The following YME1L1 variants were observed in gnomAD, a reference collection of about 807,000 sequenced individuals.
The protein encoded by YME1L1 is YME1 like 1 ATPase, also known as ATP-dependent zinc metalloprotease YME1L1.
A neutral mutation model predicts 90.4 loss-of-function variants in YME1L1; 39 were observed. That is an observed-to-expected ratio of 0.43 (90% CI 0.33 to 0.56). The LOEUF is 0.56. Ranked by LOEUF, YME1L1 falls within the 20% of genes least tolerant of loss-of-function variation. The pLI, the probability that YME1L1 is intolerant of heterozygous loss-of-function variation, is 0.03. For synonymous variants in YME1L1, 284 were observed against 287.3 expected (o/e 0.99, Z 0.12); for missense variants, 617 against 868.4 (o/e 0.71, Z 3.64).
At chr10:27,134,609 A>G (rs2057007876) in intron 6 of YME1L1, among the ~76,000 whole-genome samples, 2 of 152,188 alleles carry the variant, frequency 1.3e-5, no homozygotes, top group South Asian at 2.1e-4. Context: ...AAGAAACAAA[A>G]ACCTTTATGA....
At chr10:27,148,199 A>G (rs925418894) in intron 2 of YME1L1, among the ~76,000 whole-genome samples, 6 of 150,546 alleles carry the variant, frequency 4.0e-5, no homozygotes, top group African/African-American at 7.4e-5. Context: ...TTACATTTTT[A>G]TATTTATTTA....
intron 14 of YME1L1, 119 bp downstream of exon 14, chr10:27,119,175 G>A (rs756584474): frequency 1.1e-4 from 116 of 1,035,640 alleles, no homozygotes; most frequent in Non-Finnish European, 1.5e-4. Context: ...TGAAGTTTTA[G>A]AGTAAGATTA....
Position 27,111,846 on chromosome 10 carries a change from T to C in YME1L1, c.*131A>G, listed in dbSNP as rs759055844. The stretch of plus-strand genomic sequence containing the variant: ...CAAACTGGATAAATGTGACAAATGA[T>C]TGACAAAGCATTTCACACCCTTCAA... On this transcript the variant is annotated 3_prime_UTR_variant, in exon 19 of 19. Transcript: ENST00000376016. 9 of 1,214,472 alleles carry C rather than the reference T, an allele frequency of 7.4e-6. No individual in the cohort carries two copies. The highest frequency in any genetic ancestry group is 3.0e-5 in the African/African-American group (2 of 67,088). The allele number at this position is 1,214,472 out of a possible 1,614,324, so 75.2% of individuals were successfully genotyped here.
intron 4 of YME1L1, among the ~76,000 whole-genome samples, chr10:27,136,781 G>GTGCAAGGCATTGC (rs2057032669): frequency 6.6e-6 from 1 of 151,438 alleles, no homozygotes; most frequent in South Asian, 2.1e-4. Flanking sequence ...CCAGGCTGGA[G>GTGCAAGGCATTGC]TGCAAGGCAT....
At chr10:27,117,535 T>C (rs763158663) in intron 15 of YME1L1, 41 bp downstream of exon 15, 1 of 1,603,250 alleles carries the variant, frequency 6.2e-7, no homozygotes, top group Admixed American at 1.7e-5. Flanking sequence ...GCCATTGCAC[T>C]CCAGCCTGGG....
chr10:27,120,397 A>G, intron 13 of YME1L1, 38 bp downstream of exon 13: 1 of 1,478,058 alleles, frequency 6.8e-7, no homozygotes, highest in South Asian at 1.1e-5. Context: ...GTATATTACC[A>G]CTTTACAGAA....
chr10:27,120,653 G>T, intron 12 of YME1L1, 106 bp from the exon 13 acceptor site: 1 of 762,726 alleles, frequency 1.3e-6, no homozygotes, highest in Non-Finnish European at 2.1e-6. Flanking sequence ...GGCAGCCAGA[G>T]CGCAGATGGA....
intron 17 of YME1L1, 52 bp from the exon 18 acceptor site, chr10:27,114,659 A>C (rs758883878): frequency 1.4e-6 from 2 of 1,388,584 alleles, no homozygotes; most frequent in African/African-American, 1.4e-5. Flanking sequence ...AAACACCAAC[A>C]AATTTGAAAG....
At chr10:27,154,134 G>T (rs757798104) in intron 1 of YME1L1, 44 bp downstream of exon 1, 11 of 1,564,442 alleles carry the variant, frequency 7.0e-6, no homozygotes, top group Non-Finnish European at 9.5e-6. Context: ...AAACAGCCAC[G>T]GGCAGGGCGG....
chr10:27,123,785 T>C, intron 9 of YME1L1, 86 bp from the exon 10 acceptor site: 1 of 1,373,222 alleles, frequency 7.3e-7, no homozygotes. Context: ...ATTATTCATT[T>C]ATATAATTTT....
intron 2 of YME1L1, chr10:27,147,791 G>T (rs1000689389): frequency 7.3e-7 from 1 of 1,375,688 alleles, no homozygotes; most frequent in Non-Finnish European, 9.9e-7. Context: ...CCAAACCCTG[G>T]CTCCTGGCGT....
intron 9 of YME1L1, among the ~76,000 whole-genome samples, chr10:27,124,342 A>G (rs946159843): frequency 2.0e-5 from 3 of 152,194 alleles, no homozygotes; most frequent in African/African-American, 7.2e-5. Context: ...GTCTAAGTGG[A>G]TAGGATATGG....
At chr10:27,142,668 A>T (rs2057101316) in intron 3 of YME1L1, among the ~76,000 whole-genome samples, 183 bp from the exon 4 acceptor site, 1 of 152,160 alleles carries the variant, frequency 6.6e-6, no homozygotes, top group African/African-American at 2.4e-5. Context: ...ACTACATCTC[A>T]CAGTTCTTCC....
At chr10:27,119,177 G>A (rs1174831071) in intron 14 of YME1L1, 117 bp downstream of exon 14, 1 of 1,050,644 alleles carries the variant, frequency 9.5e-7, no homozygotes, top group East Asian at 2.8e-5. Flanking sequence ...AAGTTTTAGA[G>A]TAAGATTAGA....
intron 1 of YME1L1, chr10:27,153,136 G>A (rs2057247006): frequency 4.3e-6 from 2 of 465,478 alleles, no homozygotes; most frequent in African/African-American, 4.0e-5. Flanking sequence ...CTGTATGCCT[G>A]TGATACCTGT....
chr10:27,119,447 C>T lies in YME1L1; in HGVS notation c.1414G>A (p.Val472Ile), dbSNP rs145456417. 9.6e-5 allele frequency: 154 copies of T among 1,602,786 alleles called. 2 individuals carry two copies. In the African/African-American group the frequency reaches 1.2e-3, roughly 12 times the overall value. ...CCTCGAGCTATAATTTCTGGATCAA[C>T]GGCTAATGTAAAAAGAGAACACAAC... is the stretch of plus-strand genomic sequence containing the variant. ...YLNKIKFDQS[V>I]DPEIIARGTV... is the part of the protein sequence containing the mutation. The change falls in exon 14 of 19, where the codon GTT becomes ATT. Residue 472 changes from valine to isoleucine, a missense_variant and splice_region_variant. Around this residue, in one of 4 missense-constraint regions of YME1L1, gnomAD observed 212 missense variants for 330.0 expected, o/e 0.64. Transcript: ENST00000376016.
At chr10:27,118,417 G>A (rs986437524) in intron 14 of YME1L1, among the ~76,000 whole-genome samples, 9 of 152,098 alleles carry the variant, frequency 5.9e-5, no homozygotes, top group Non-Finnish European at 1.3e-4. Flanking sequence ...AAGTAGATGG[G>A]ACCACAGTCG....
At chr10:27,120,307 T>C (rs941669680) in intron 13 of YME1L1, 128 bp downstream of exon 13, 20 of 645,048 alleles carry the variant, frequency 3.1e-5, no homozygotes, top group Non-Finnish European at 4.7e-5. Context: ...AACATACTAA[T>C]GGAAAAAAAA....
intron 9 of YME1L1, among the ~76,000 whole-genome samples, chr10:27,124,987 G>A (rs1461744713): frequency 8.5e-5 from 13 of 152,140 alleles, no homozygotes; most frequent in Admixed American, 7.9e-4. Context: ...TCATTATTAA[G>A]CACTGATTTA....
Sources: gnomAD v4.1 joint callset for allele counts (sites outside exome capture counted in the v4.1 genomes callset) on GRCh38, gnomAD v4.1.1 for gene constraint, gnomAD v4.1.1 regional missense constraint, MANE v1.5 for transcripts, NCBI Gene and HGNC (gene_info 2026-07-23, HGNC 2026-07-21) for gene names.